Variants in PLXDC2 observed in about 807,000 individuals in gnomAD.
PLXDC2 encodes the protein plexin domain containing 2.
PLXDC2 carries 40 observed loss-of-function variants against 68.9 expected under a neutral mutation model. That is an observed-to-expected ratio of 0.58 (90% CI 0.45 to 0.76). PLXDC2 has a LOEUF of 0.76. Among genes scored for constraint, PLXDC2 ranks in the 30% least tolerant of loss-of-function variants. PLXDC2 has a pLI of 0.00. For synonymous variants in PLXDC2, 243 were observed against 234.2 expected (o/e 1.04, Z -0.34); for missense variants, 644 against 661.9 (o/e 0.97, Z 0.30).
At chr10:19,982,848 A>G (rs914964380) in intron 1 of PLXDC2, among the ~76,000 whole-genome samples, 8 of 152,200 alleles carry the variant, frequency 5.3e-5, no homozygotes, top group African/African-American at 1.9e-4. Flanking sequence ...CTGAGGGGAC[A>G]TTGAATCATT....
At chr10:19,944,092 G>A (rs1833862366) in intron 1 of PLXDC2, among the ~76,000 whole-genome samples, 1 of 152,182 alleles carries the variant, frequency 6.6e-6, no homozygotes, top group Non-Finnish European at 1.5e-5. Context: ...TAACTGCAAT[G>A]TTCTCATGAA....
At chr10:19,940,097 T>C (rs1356504553) in intron 1 of PLXDC2, among the ~76,000 whole-genome samples, 1 of 151,724 alleles carries the variant, frequency 6.6e-6, no homozygotes, top group Non-Finnish European at 1.5e-5. Context: ...CGAAAGAATC[T>C]CAAGACTAGA....
chr10:20,172,930 G>T (rs1293471465), intron 7 of PLXDC2, among the ~76,000 whole-genome samples: 1 of 152,154 alleles, frequency 6.6e-6, no homozygotes, highest in Admixed American at 6.5e-5. Context: ...TTATTTCAGA[G>T]AATTAGAACT....
intron 3 of PLXDC2, among the ~76,000 whole-genome samples, chr10:20,059,342 A>G (rs1159418140): frequency 6.6e-6 from 1 of 152,208 alleles, no homozygotes; most frequent in Non-Finnish European, 1.5e-5. Flanking sequence ...AGCGTTTGCA[A>G]GTACAGGCAA....
At chr10:20,044,460 C>T (rs114284802) in intron 2 of PLXDC2, among the ~76,000 whole-genome samples, 2,127 of 151,776 alleles carry the variant, frequency 0.014, 46 homozygotes, top group African/African-American at 0.046. Flanking sequence ...CAGGCATCTG[C>T]CATCACGCCT....
intron 1 of PLXDC2, among the ~76,000 whole-genome samples, chr10:19,876,856 A>G (rs983818851): frequency 6.6e-6 from 1 of 152,180 alleles, no homozygotes; most frequent in African/African-American, 2.4e-5. Context: ...TGGCTAGCTT[A>G]AAGTTGTTAA....
At chr10:19,972,290 G>T (rs1244584368) in intron 1 of PLXDC2, among the ~76,000 whole-genome samples, 6 of 152,166 alleles carry the variant, frequency 3.9e-5, no homozygotes, top group Admixed American at 2.6e-4. Context: ...CATGTCCTTT[G>T]CAGCAACATG....
At chr10:19,978,441 C>T (rs1834495483) in intron 1 of PLXDC2, among the ~76,000 whole-genome samples, 2 of 151,948 alleles carry the variant, frequency 1.3e-5, no homozygotes, top group African/African-American at 4.8e-5. Flanking sequence ...TTCATATGTG[C>T]AGTAAAGAGT....
intron 4 of PLXDC2, among the ~76,000 whole-genome samples, chr10:20,119,614 C>G (rs993343822): frequency 1.3e-5 from 2 of 150,954 alleles, no homozygotes; most frequent in African/African-American, 4.8e-5. Context: ...TTCCTGTCTT[C>G]TTATATTAAT....
chr10:19,827,934 T>C (rs1485039510), intron 1 of PLXDC2, among the ~76,000 whole-genome samples: 1 of 152,174 alleles, frequency 6.6e-6, no homozygotes, highest in African/African-American at 2.4e-5. Flanking sequence ...GATGGAGAGC[T>C]GGGGAGGTTT....
intron 1 of PLXDC2, among the ~76,000 whole-genome samples, chr10:19,934,278 G>C (rs1486769524): frequency 6.6e-6 from 1 of 152,152 alleles, no homozygotes; most frequent in Non-Finnish European, 1.5e-5. Flanking sequence ...GACCATTCTT[G>C]AGAAAGAAAT....
chr10:20,067,803 A>G (rs1032223486), intron 3 of PLXDC2, among the ~76,000 whole-genome samples: 5 of 152,206 alleles, frequency 3.3e-5, no homozygotes, highest in African/African-American at 1.2e-4. Context: ...GTAATAATGT[A>G]ACATAAAATC....
chr10:20,159,409 C>G (rs1299127313), intron 6 of PLXDC2, among the ~76,000 whole-genome samples: 2 of 152,054 alleles, frequency 1.3e-5, no homozygotes, highest in African/African-American at 4.8e-5. Context: ...ATACATAATT[C>G]TTCCAGAATC....
At chr10:19,988,635 T>G (rs1181047388) in intron 1 of PLXDC2, among the ~76,000 whole-genome samples, 1 of 152,102 alleles carries the variant, frequency 6.6e-6, no homozygotes, top group African/African-American at 2.4e-5. Flanking sequence ...CATATTCATA[T>G]TCTCACTGTA....
chr10:19,823,971 G>T (rs1836527063), intron 1 of PLXDC2, among the ~76,000 whole-genome samples: 1 of 152,148 alleles, frequency 6.6e-6, no homozygotes, highest in Non-Finnish European at 1.5e-5. Context: ...TTACACCACT[G>T]CATTCCAGCC....
intron 4 of PLXDC2, among the ~76,000 whole-genome samples, chr10:20,139,813 A>G (rs1370870480): frequency 7.3e-6 from 1 of 137,780 alleles, no homozygotes; most frequent in Non-Finnish European, 1.6e-5. Context: ...ATGAGAACAC[A>G]TGGACACAGG....
At chr10:19,883,545 G>A (rs866181322) in intron 1 of PLXDC2, among the ~76,000 whole-genome samples, 3 of 152,164 alleles carry the variant, frequency 2.0e-5, no homozygotes, top group South Asian at 2.1e-4. Flanking sequence ...CCTCAAATGA[G>A]TGGTTGGTCA....
intron 13 of PLXDC2, among the ~76,000 whole-genome samples, chr10:20,273,938 C>G (rs550239513): frequency 5.3e-5 from 8 of 152,002 alleles, no homozygotes; most frequent in African/African-American, 1.7e-4. Context: ...ACTTAGGAGG[C>G]TGAGGGGGGA....
Position 20,217,933 on chromosome 10 carries a change from A to G in PLXDC2, c.1273+357A>G, listed in dbSNP as rs1229195045. 3.3e-5 allele frequency among the ~76,000 whole-genome samples: 5 copies of G among 152,136 alleles called. No individual in the cohort carries two copies. The East Asian group carries it at 9.6e-4, about 29-fold the overall frequency. ...CCAACTTCACAATCACAGGTTAGAA[A>G]GGCAAAATGCATATAAAATGTCCGT... is the stretch of plus-strand genomic sequence containing the variant. On this transcript the variant is annotated intron_variant, in intron 11 of 13. Transcript: ENST00000377252.
Sources: allele counts gnomAD v4.1 joint callset (sites outside exome capture counted in the v4.1 genomes callset), GRCh38; gene constraint gnomAD v4.1.1; transcripts MANE v1.5; gene names NCBI Gene and HGNC (gene_info 2026-07-23, HGNC 2026-07-21).